GPBP1: variants seen among roughly 807,000 people sequenced by gnomAD.
The protein encoded by GPBP1 is vasculin.
In GPBP1, 13 loss-of-function variants were observed where a neutral mutation model predicts 56.5. The ratio of observed to expected loss-of-function variants is 0.23; its 90% confidence interval spans 0.15 to 0.37. The LOEUF (loss-of-function observed/expected upper bound fraction) is 0.37. GPBP1 is among the 10% of genes least tolerant of loss of function. The probability of loss-of-function intolerance (pLI) is 1.00; values close to 1 mark genes in which losing one functional copy is unlikely to be tolerated. For missense variants in GPBP1, 477 were observed against 572.3 expected (o/e 0.83, Z 1.70); for synonymous variants, 204 against 188.9 (o/e 1.08, Z -0.66).
At chr5:57,176,679 A>AT (rs1334550107) in intron 2 of GPBP1, among the ~76,000 whole-genome samples, 1 of 152,212 alleles carries the variant, frequency 6.6e-6, no homozygotes, top group African/African-American at 2.4e-5. Flanking sequence ...TGGCCGGTAT[A>AT]TATTGCCTTA....
In GPBP1 at chr5:57,175,537, G is replaced by A. The variant is rs1753759427; in HGVS notation, c.-921G>A. ...TAAGTGGCCATTTTGGATTTACAGT[G>A]TTTTTGGATAATTTTGCCCCAGAAG... On this transcript the variant is annotated 5_prime_UTR_variant, in exon 2 of 12. Coordinates refer to ENST00000506184, the MANE Select transcript of GPBP1 (RefSeq NM_022913.4). 2.5e-6 allele frequency: 1 copy of A among 398,362 alleles called. No homozygotes were observed. The highest frequency in any genetic ancestry group is 1.3e-4 in the South Asian group (1 of 7,858). The allele number at this position is 398,362 out of a possible 1,614,324, so 24.7% of individuals were successfully genotyped here.
At chr5:57,211,676 C>T (rs796931517) in intron 2 of GPBP1, among the ~76,000 whole-genome samples, 13 of 151,892 alleles carry the variant, frequency 8.6e-5, no homozygotes, top group South Asian at 2.1e-4. Flanking sequence ...CTCCGCCTCC[C>T]GGGTTCAAGC....
rs1741962456 is a variant in GPBP1 at position 57,262,839 on chromosome 5, T to A, written c.*87T>A. On this transcript the variant is annotated 3_prime_UTR_variant, in exon 12 of 12. Transcript: ENST00000506184. ...ATTGTAAAAATGAAGAACTATAATT[T>A]ATGTAGTGAAATACCCCATTAGAAG... is the stretch of plus-strand genomic sequence containing the variant. 8.0e-7 allele frequency: 1 copy of A among 1,254,854 alleles called. No individual in the cohort carries two copies. The highest frequency in any genetic ancestry group is 1.1e-6 in the Non-Finnish European group (1 of 891,454). The allele number at this position is 1,254,854 out of a possible 1,614,324, so 77.7% of individuals were successfully genotyped here.
chr5:57,192,128 C>T (rs1251238083), intron 2 of GPBP1, among the ~76,000 whole-genome samples: 4 of 152,170 alleles, frequency 2.6e-5, no homozygotes, highest in African/African-American at 9.7e-5. Context: ...AAACTTGAGG[C>T]TGTTTCAGGT....
Position 57,182,050 on chromosome 5 carries a change from G to A in GPBP1, c.-58+5650G>A, listed in dbSNP as rs530509116. 2.0e-5 allele frequency among the ~76,000 whole-genome samples: 3 copies of A among 152,226 alleles called. No individual in the cohort carries two copies. The South Asian group carries it at 6.2e-4, about 32-fold the overall frequency. On this transcript the variant is annotated intron_variant, in intron 2 of 11. Transcript: ENST00000506184. ...TTATTTTGTTCACAGCTTGGTGGGTGCAGTGCTTTTGGTCTTTCCATTTTC... is the reference window on the plus strand; with the variant it reads ...TTATTTTGTTCACAGCTTGGTGGGTACAGTGCTTTTGGTCTTTCCATTTTC...
chr5:57,231,555 T>G (rs1483280974), intron 5 of GPBP1, among the ~76,000 whole-genome samples: 1 of 152,210 alleles, frequency 6.6e-6, no homozygotes, highest in Non-Finnish European at 1.5e-5. Context: ...TTACAGCCAC[T>G]GTGCCACTGC....
intron 2 of GPBP1, among the ~76,000 whole-genome samples, chr5:57,186,833 A>T (rs1754307868): frequency 1.3e-5 from 2 of 152,032 alleles, no homozygotes; most frequent in African/African-American, 4.8e-5. Flanking sequence ...GGCCTCCCAA[A>T]GTATTGGGAT....
intron 3 of GPBP1, among the ~76,000 whole-genome samples, chr5:57,223,499 A>G (rs758334502): frequency 2.6e-5 from 4 of 152,164 alleles, no homozygotes; most frequent in Non-Finnish European, 5.9e-5. Flanking sequence ...AATACCTTGC[A>G]GGATCAATAT....
chr5:57,187,354 T>C (rs546796091), intron 2 of GPBP1, among the ~76,000 whole-genome samples: 28 of 152,328 alleles, frequency 1.8e-4, no homozygotes, highest in African/African-American at 6.0e-4. Context: ...TGTAAAAGTA[T>C]CAACTTATTT....
At chr5:57,201,412 G>T (rs1460382931) in intron 2 of GPBP1, among the ~76,000 whole-genome samples, 1 of 152,044 alleles carries the variant, frequency 6.6e-6, no homozygotes, top group Non-Finnish European at 1.5e-5. Context: ...TAGGGATGAT[G>T]TTTCACTGTG....
intron 2 of GPBP1, among the ~76,000 whole-genome samples, chr5:57,196,365 A>G (rs556072231): frequency 6.6e-6 from 1 of 151,758 alleles, no homozygotes; most frequent in African/African-American, 2.4e-5. Context: ...CCAAGTAACC[A>G]GTTATGGAAT....
rs376349798 is a variant in GPBP1 at position 57,236,046 on chromosome 5, T to A, written c.478+14T>A. 4.2e-5 allele frequency: 65 copies of A among 1,564,688 alleles called. No individual in the cohort carries two copies. The African/African-American group carries it at 7.4e-4, about 18-fold the overall frequency. ...CAGGTGTGTGGGGTAAGTAATTTTT[T>A]ATCTATATTTGAGGGGCACAAAATG... On this transcript the variant is annotated intron_variant, in intron 6 of 11. Transcript: ENST00000506184.
At chr5:57,245,695 A>G (rs1741056951) in intron 6 of GPBP1, 1 of 152,224 alleles carries the variant, frequency 6.6e-6, no homozygotes, top group Admixed American at 6.5e-5. Context: ...CGTAGTATTT[A>G]TCTTCAGAAA....
At chr5:57,179,976 G>A (rs917034830) in intron 2 of GPBP1, among the ~76,000 whole-genome samples, 1 of 152,056 alleles carries the variant, frequency 6.6e-6, no homozygotes, top group Admixed American at 6.6e-5. Context: ...TTGAGGAAGG[G>A]AGGAGTAATG....
At chr5:57,184,771 C>T (rs774264173) in intron 2 of GPBP1, among the ~76,000 whole-genome samples, 1 of 152,194 alleles carries the variant, frequency 6.6e-6, no homozygotes, top group Admixed American at 6.5e-5. Flanking sequence ...TACCTTGTGT[C>T]CTCACCCATC....
chr5:57,262,613 G>A lies in GPBP1; in HGVS notation c.1283G>A (p.Arg428Lys), dbSNP rs760141344. ...ISEQLQKNGLRKNGILKNGLI... is the reference protein window; with the variant it reads ...ISEQLQKNGLKKNGILKNGLI... Reference sequence around the variant, plus strand: ...TTTTAGTTACAGAAGAATGGTCTGAGAAAAAATGGTATTTTGAAAAATGGC... The same window carrying A: ...TTTTAGTTACAGAAGAATGGTCTGAAAAAAAATGGTATTTTGAAAAATGGC... The change falls in exon 12 of 12, where the codon AGA (arginine) becomes AAA (lysine). Residue 428 changes from arginine (R) to lysine (K), a missense_variant. Arg to Lys is a conservative substitution (Grantham distance 26). Coordinates refer to ENST00000506184, the MANE Select transcript of GPBP1 (RefSeq NM_022913.4). 1 of 1,612,922 alleles carries A rather than the reference G, an allele frequency of 6.2e-7. No individual in the cohort carries two copies. Among genetic ancestry groups the A allele is most frequent in the Non-Finnish European group, 8.5e-7 (1 of 1,179,284 alleles).
chr5:57,183,474 C>G (rs1754150757), intron 2 of GPBP1, among the ~76,000 whole-genome samples: 1 of 152,112 alleles, frequency 6.6e-6, no homozygotes, highest in African/African-American at 2.4e-5. Flanking sequence ...CGCCTGTAAT[C>G]CAGCACAGGA....
In GPBP1 at chr5:57,210,119, GA is replaced by G. The variant is rs200800341; in HGVS notation, c.-57-3952del. ...TAGGGTCAGAAATAAAACATAACAA[GA>G]AAGAGAAAAAAGTCTCATCTATTTG... On this transcript the variant is annotated intron_variant, in intron 2 of 11. Coordinates refer to ENST00000506184, the MANE Select transcript of GPBP1 (RefSeq NM_022913.4). Among the ~76,000 whole-genome samples the G allele has an allele frequency of 9.7e-3, 1,470 of 152,206 alleles. 15 individuals carry two copies. Among genetic ancestry groups the G allele is most frequent in the Non-Finnish European group, 0.016 (1,112 of 67,986 alleles).
chr5:57,235,420 T>C (rs1756621088), intron 5 of GPBP1, among the ~76,000 whole-genome samples: 1 of 152,124 alleles, frequency 6.6e-6, no homozygotes, highest in African/African-American at 2.4e-5. Context: ...TTTCTTTTTT[T>C]TTTTTGTTTT....
Sources: gnomAD v4.1 joint callset for allele counts (sites outside exome capture counted in the v4.1 genomes callset) on GRCh38, gnomAD v4.1.1 for gene constraint, MANE v1.5 for transcripts, NCBI Gene and HGNC (gene_info 2026-07-23, HGNC 2026-07-21) for gene names.